VPS53: variants seen among roughly 807,000 people sequenced by gnomAD.
VPS53 encodes the protein vacuolar protein sorting-associated protein 53 homolog.
In VPS53, 70 loss-of-function variants were observed where a neutral mutation model predicts 107.0. The observed-to-expected ratio is 0.65, with a 90% CI of 0.54 to 0.80. The LOEUF is 0.80. Among genes scored for constraint, VPS53 ranks in the 30% least tolerant of loss-of-function variants. VPS53 has a pLI of 0.00. For missense variants in VPS53, 917 were observed against 1,049.4 expected (o/e 0.87, Z 1.74); for synonymous variants, 409 against 393.3 (o/e 1.04, Z -0.47).
chr17:593,653 G>GAC (rs1423501296), intron 12 of VPS53, among the ~76,000 whole-genome samples: 1 of 152,182 alleles, frequency 6.6e-6, no homozygotes, highest in Non-Finnish European at 1.5e-5. Context: ...AAAAAGTCAG[G>GAC]AAACAACCGG....
At chr17:584,033 T>C (rs1967190216) in intron 13 of VPS53, among the ~76,000 whole-genome samples, 1 of 152,176 alleles carries the variant, frequency 6.6e-6, no homozygotes, top group South Asian at 2.1e-4. Flanking sequence ...CAGTACCTAA[T>C]GCATTCCCCA....
At chr17:527,278 T>C (rs1467194137) in intron 19 of VPS53, among the ~76,000 whole-genome samples, 1 of 151,780 alleles carries the variant, frequency 6.6e-6, no homozygotes, top group African/African-American at 2.4e-5. Flanking sequence ...GCTCTGAACA[T>C]TCGTCTCTCC....
At chr17:652,151 T>C (rs904183005) in intron 7 of VPS53, among the ~76,000 whole-genome samples, 1 of 151,978 alleles carries the variant, frequency 6.6e-6, no homozygotes, top group Non-Finnish European at 1.5e-5. Context: ...CCTGCCACCA[T>C]GTCCAGATAA....
intron 11 of VPS53, among the ~76,000 whole-genome samples, chr17:612,941 TTCAAATAGTGA>T (rs1367289479): frequency 1.4e-5 from 2 of 146,940 alleles, no homozygotes; most frequent in African/African-American, 5.1e-5. Flanking sequence ...CACAGCAGTA[TTCAAATAGTGA>T]ATTCACACAG....
At chr17:616,828 C>T (rs1469095881) in intron 11 of VPS53, among the ~76,000 whole-genome samples, 1 of 152,234 alleles carries the variant, frequency 6.6e-6, no homozygotes, top group East Asian at 1.9e-4. Flanking sequence ...CCTTCCCTGC[C>T]CTCGTTCCCT....
At chr17:658,510 C>T (rs1159686528) in intron 5 of VPS53, among the ~76,000 whole-genome samples, 1 of 150,434 alleles carries the variant, frequency 6.6e-6, no homozygotes, top group East Asian at 2.0e-4. Flanking sequence ...GTGAGAAACT[C>T]GGCAGGGAGT....
At chr17:539,769 G>A (rs546295830) in intron 17 of VPS53, among the ~76,000 whole-genome samples, 172 of 152,256 alleles carry the variant, frequency 1.1e-3, no homozygotes, top group Non-Finnish European at 2.1e-3. Flanking sequence ...ACCGAACTTC[G>A]CAGGTCCCTT....
chr17:643,496 AAGGACAACACTCATACTTGGCAACTG>A (rs1970539274), intron 7 of VPS53, among the ~76,000 whole-genome samples: 3 of 122,732 alleles, frequency 2.4e-5, no homozygotes, highest in Admixed American at 8.2e-5. Context: ...CTTGGAAATC[AAGGACAACACTCATACTTGGCAACTG>A]AGGACAACAC....
chr17:660,856 T>TCTTCAACTGTCAG (rs1274805889), intron 5 of VPS53, among the ~76,000 whole-genome samples: 8 of 152,180 alleles, frequency 5.3e-5, no homozygotes, highest in African/African-American at 1.9e-4. Context: ...AAGCTGGAAT[T>TCTTCAACTGTCAG]CTGAGACAAC....
intron 7 of VPS53, among the ~76,000 whole-genome samples, chr17:635,945 T>C (rs1052372124): frequency 6.6e-6 from 1 of 152,208 alleles, no homozygotes; most frequent in African/African-American, 2.4e-5. Context: ...AAGTCATTGG[T>C]AGCTTGATGG....
At chr17:588,278 A>G (rs899831970) in intron 12 of VPS53, among the ~76,000 whole-genome samples, 5 of 152,176 alleles carry the variant, frequency 3.3e-5, no homozygotes, top group African/African-American at 1.2e-4. Context: ...AGATTGCACC[A>G]CTGTACTCCA....
chr17:661,934 A>G (rs1463453593), intron 4 of VPS53, 39 bp from the exon 5 acceptor site: 15 of 1,494,230 alleles, frequency 1.0e-5, no homozygotes, highest in Middle Eastern at 3.4e-4. Flanking sequence ...AAAAGTGGCT[A>G]GAGACAGCTC....
chr17:573,821 G>C (rs1422343651), intron 13 of VPS53, among the ~76,000 whole-genome samples: 2 of 152,128 alleles, frequency 1.3e-5, no homozygotes, highest in Non-Finnish European at 2.9e-5. Context: ...CTGTCATCTG[G>C]GAAGTTATGA....
At chr17:523,137 G>C (rs1597242050) in intron 19 of VPS53, 1 of 152,914 alleles carries the variant, frequency 6.5e-6, no homozygotes, top group Non-Finnish European at 1.5e-5. Flanking sequence ...GGGTGGTTTT[G>C]GTGACGAGCT....
rs1908235864 is a variant in VPS53, at chr17:515,460, A to T, written c.*3668T>A. ...CGGCCAGGCTGGTCTCGAACTCCTGACCTCACATGATCCACCTGCCTCGGC... is the reference window on the plus strand; with the variant it reads ...CGGCCAGGCTGGTCTCGAACTCCTGTCCTCACATGATCCACCTGCCTCGGC... On this transcript the variant is annotated 3_prime_UTR_variant, in exon 22 of 22. Coordinates refer to ENST00000437048, the MANE Select transcript of VPS53 (RefSeq NM_001128159.3). 1 of 151,996 alleles carries T rather than the reference A, an allele frequency of 6.6e-6. No homozygotes were observed. The highest frequency in any genetic ancestry group is 1.5e-5 in the Non-Finnish European group (1 of 68,030). 9.4% of individuals were successfully genotyped at this position (151,996 alleles called of 1,614,324 possible).
chr17:552,257 T>C (rs980784439), intron 16 of VPS53, among the ~76,000 whole-genome samples: 3 of 152,160 alleles, frequency 2.0e-5, no homozygotes, highest in East Asian at 1.9e-4. Flanking sequence ...CTGAAGAAAA[T>C]AAAAAGCTAA....
chr17:587,477 C>G (rs912872144), intron 12 of VPS53, among the ~76,000 whole-genome samples: 1 of 152,070 alleles, frequency 6.6e-6, no homozygotes, highest in Non-Finnish European at 1.5e-5. Flanking sequence ...GAGAGAGAGA[C>G]AGGCAGGCAG....
chr17:664,176 T>G (rs1971584324), intron 4 of VPS53, among the ~76,000 whole-genome samples: 1 of 152,096 alleles, frequency 6.6e-6, no homozygotes, highest in Non-Finnish European at 1.5e-5. Context: ...CCTCCCAGGT[T>G]CAAGCAATTC....
intron 13 of VPS53, among the ~76,000 whole-genome samples, chr17:571,875 C>T (rs1407466534): frequency 1.3e-5 from 2 of 152,154 alleles, no homozygotes; most frequent in Non-Finnish European, 2.9e-5. Flanking sequence ...AGTGCAGGGG[C>T]GTGATCTCGG....
Sources: allele counts gnomAD v4.1 joint callset (sites outside exome capture counted in the v4.1 genomes callset), GRCh38; gene constraint gnomAD v4.1.1; transcripts MANE v1.5; gene names NCBI Gene and HGNC (gene_info 2026-07-23, HGNC 2026-07-21).